Variants in NRXN3 observed in about 807,000 individuals in gnomAD.
NRXN3 encodes the protein neurexin 3, also known as neurexin III.
In NRXN3, 32 loss-of-function variants were observed where a neutral mutation model predicts 137.6. The observed-to-expected ratio is 0.23, with a 90% CI of 0.18 to 0.31. The LOEUF is 0.31. NRXN3 is among the 10% of genes least tolerant of loss of function. The pLI is 1.00. For missense variants in NRXN3, 1,574 were observed against 2,062.5 expected (o/e 0.76, Z 4.59); for synonymous variants, 798 against 784.5 (o/e 1.02, Z -0.29).
chr14:79,015,380 G>T (rs1042947662), intron 15 of NRXN3, among the ~76,000 whole-genome samples: 1 of 152,124 alleles, frequency 6.6e-6, no homozygotes, highest in African/African-American at 2.4e-5. Context: ...TGCAAACCAC[G>T]GCTGAGAAAG....
At chr14:79,325,638 C>T (rs932253304) in intron 15 of NRXN3, among the ~76,000 whole-genome samples, 3 of 152,162 alleles carry the variant, frequency 2.0e-5, no homozygotes, top group Admixed American at 6.5e-5. Flanking sequence ...CAGGTGAAAG[C>T]GTGTCTGTGT....
intron 16 of NRXN3, among the ~76,000 whole-genome samples, chr14:79,588,468 G>A (rs1442336458): frequency 6.6e-6 from 1 of 152,102 alleles, no homozygotes; most frequent in African/African-American, 2.4e-5. Context: ...TTTTAATCAG[G>A]AGGGAAAAAA....
At chr14:78,696,042 C>A (rs1482136414) in intron 6 of NRXN3, among the ~76,000 whole-genome samples, 1 of 152,034 alleles carries the variant, frequency 6.6e-6, no homozygotes, top group African/African-American at 2.4e-5. Flanking sequence ...AAACATGCTT[C>A]ATCCATGCCT....
chr14:79,480,408 G>T (rs1157636542), intron 16 of NRXN3, among the ~76,000 whole-genome samples: 1 of 152,084 alleles, frequency 6.6e-6, no homozygotes, highest in African/African-American at 2.4e-5. Flanking sequence ...TGAATGACGT[G>T]GTTTTCCTAA....
intron 4 of NRXN3, among the ~76,000 whole-genome samples, chr14:78,381,261 G>A (rs1453437075): frequency 6.6e-6 from 1 of 152,106 alleles, no homozygotes; most frequent in Non-Finnish European, 1.5e-5. Flanking sequence ...GTCCCCAAAA[G>A]CATAATTCCT....
At chr14:78,956,918 T>A (rs2099397877) in intron 10 of NRXN3, among the ~76,000 whole-genome samples, 1 of 152,224 alleles carries the variant, frequency 6.6e-6, no homozygotes, top group Admixed American at 6.5e-5. Context: ...TCTAAAACTT[T>A]GAGAGATTAA....
intron 19 of NRXN3, among the ~76,000 whole-genome samples, chr14:79,702,559 T>A (rs1464841826): frequency 6.6e-6 from 1 of 151,942 alleles, no homozygotes; most frequent in South Asian, 2.1e-4. Context: ...GAGATTATAA[T>A]CTCTGGGAGA....
chr14:79,026,953 TATATATATATA>T (rs2099599236), intron 15 of NRXN3, among the ~76,000 whole-genome samples: 4 of 132 alleles, frequency 0.03, no homozygotes, highest in African/African-American at 0.048. Context: ...TATAATTTTA[TATATATATATA>T]TATATATATA....
intron 4 of NRXN3, among the ~76,000 whole-genome samples, chr14:78,383,405 T>C (rs138323257): frequency 6.6e-6 from 1 of 152,332 alleles, no homozygotes; most frequent in East Asian, 1.9e-4. Flanking sequence ...GTGACTACAA[T>C]GGTTTCAAAC....
chr14:79,126,219 C>G (rs562974955), intron 15 of NRXN3, among the ~76,000 whole-genome samples: 10 of 151,976 alleles, frequency 6.6e-5, no homozygotes, highest in Middle Eastern at 3.4e-3. Flanking sequence ...TACATGTGCA[C>G]AATGTGCAGG....
chr14:78,712,317 C>G (rs2098412938), intron 7 of NRXN3, among the ~76,000 whole-genome samples: 1 of 152,060 alleles, frequency 6.6e-6, no homozygotes, highest in Non-Finnish European at 1.5e-5. Context: ...CTCCTACCTC[C>G]CAATATTGTT....
rs565877276 is a variant in NRXN3, at chr14:78,248,397, C to T, written c.709+4595C>T. On this transcript the variant is annotated intron_variant, in intron 2 of 20. Transcript: ENST00000335750. ...TGGCTCAACACCACTGTGTGGCCTT[C>T]GCATGCCTTCCTGAAAGTGAATTTC... 6.7e-5 allele frequency among the ~76,000 whole-genome samples: 10 copies of T among 148,302 alleles called. No individual in the cohort carries two copies. The East Asian group carries it at 1.6e-3, about 24-fold the overall frequency.
In NRXN3 at chr14:79,322,348, C is replaced by T. The variant is rs79547018; in HGVS notation, c.3263-144873C>T. 5.3e-3 allele frequency among the ~76,000 whole-genome samples: 813 copies of T among 152,060 alleles called. 6 individuals are homozygous for T. The highest frequency in any genetic ancestry group is 0.019 in the African/African-American group (769 of 41,452). On this transcript the variant is annotated intron_variant, in intron 15 of 20. Coordinates refer to ENST00000335750, the MANE Select transcript of NRXN3 (RefSeq NM_001330195.2). ...ATTTACAGAGTTTACAGGAGGACAC[C>T]GAAATCACAGGCTTGACCGCATTTA...
At chr14:79,151,093 C>G (rs2153032482) in intron 15 of NRXN3, among the ~76,000 whole-genome samples, 1 of 152,122 alleles carries the variant, frequency 6.6e-6, no homozygotes, top group South Asian at 2.1e-4. Context: ...AGAAGACATG[C>G]ATTTATTAAA....
At chr14:79,854,014 T>C (rs2099397282) in intron 20 of NRXN3, 1 of 984,358 alleles carries the variant, frequency 1.0e-6, no homozygotes, top group Non-Finnish European at 1.2e-6. Context: ...TGGATGTATG[T>C]GTTGTTGCCT....
chr14:78,181,455 G>C (rs144056944), intron 1 of NRXN3, among the ~76,000 whole-genome samples: 2 of 152,308 alleles, frequency 1.3e-5, no homozygotes, highest in African/African-American at 4.8e-5. Flanking sequence ...GTCACCTGTT[G>C]CTCTGTGAGG....
chr14:79,838,641 T>C (rs763064329), intron 20 of NRXN3, among the ~76,000 whole-genome samples: 12 of 152,196 alleles, frequency 7.9e-5, no homozygotes, highest in Non-Finnish European at 1.8e-4. Context: ...AGTGACCAGA[T>C]GGCCTCTGGC....
At chr14:79,630,146 G>C (rs1471935156) in intron 16 of NRXN3, among the ~76,000 whole-genome samples, 1 of 152,184 alleles carries the variant, frequency 6.6e-6, no homozygotes. Flanking sequence ...GTCCACAGGG[G>C]TATTATTTAG....
At chr14:78,589,083 A>G (rs1439318123) in intron 4 of NRXN3, among the ~76,000 whole-genome samples, 1 of 152,166 alleles carries the variant, frequency 6.6e-6, no homozygotes, top group East Asian at 1.9e-4. Flanking sequence ...TTTAGACAAC[A>G]TGCTGCTTGG....
Sources: gnomAD v4.1 joint callset for allele counts (sites outside exome capture counted in the v4.1 genomes callset) on GRCh38, gnomAD v4.1.1 for gene constraint, MANE v1.5 for transcripts, NCBI Gene and HGNC (gene_info 2026-07-23, HGNC 2026-07-21) for gene names.